The following SLCO5A1 variants were observed in gnomAD, a reference collection of about 807,000 sequenced individuals.
The protein encoded by SLCO5A1 is solute carrier organic anion transporter family member 5A1, also known as organic anion transporter polypeptide-related protein 4.
In SLCO5A1, 39 loss-of-function variants were observed where a neutral mutation model predicts 65.1. The observed-to-expected ratio is 0.60, with a 90% confidence interval of 0.46 to 0.78. The LOEUF is 0.78. SLCO5A1 is among the 30% of genes least tolerant of loss of function. The pLI, the probability that SLCO5A1 is intolerant of heterozygous loss-of-function variation, is 0.00. For missense variants in SLCO5A1, 1,029 were observed against 1,069.4 expected (o/e 0.96, Z 0.53); for synonymous variants, 438 against 415.7 (o/e 1.05, Z -0.65).
chr8:69,731,748 A>T (rs1586736605), intron 5 of SLCO5A1, among the ~76,000 whole-genome samples: 1 of 152,238 alleles, frequency 6.6e-6, no homozygotes, highest in South Asian at 2.1e-4. Context: ...AATAATGATT[A>T]AAATGATATA....
At chr8:69,710,019 C>CCTTTT (rs1815156454) in intron 5 of SLCO5A1, among the ~76,000 whole-genome samples, 1 of 122,906 alleles carries the variant, frequency 8.1e-6, no homozygotes, top group East Asian at 2.4e-4. Flanking sequence ...TCGGCAACAG[C>CCTTTT]TTTTTTTTTT....
chr8:69,776,710 GA>G (rs367767175), intron 2 of SLCO5A1, among the ~76,000 whole-genome samples: 3 of 149,850 alleles, frequency 2.0e-5, no homozygotes, highest in East Asian at 3.9e-4. Flanking sequence ...ACCAACCAAA[GA>G]AAAAAAAATA....
At position 69,755,565 on chromosome 8, in the gene SLCO5A1, G is replaced by A; in HGVS notation, c.1117C>T (p.Pro373Ser). 6.2e-7 allele frequency: 1 copy of A among 1,613,992 alleles called. No individual in the cohort carries two copies. Among genetic ancestry groups the A allele is most frequent in the Non-Finnish European group, 8.5e-7 (1 of 1,179,972 alleles). The part of the protein sequence containing the change: ...FPMFTFPKKL[P>S]PRHKKKKKKK... ...TTTTTCTTTTTCTTGTGTCGAGGTG[G>A]AAGCTTTTTTGGGAAAGTAAACATT... Residue 373 changes from proline (P) to serine (S), a missense_variant, in exon 4 of 10, where the codon CCA becomes TCA. Transcript: ENST00000260126.
At chr8:69,810,956 G>A (rs1820182271) in intron 2 of SLCO5A1, among the ~76,000 whole-genome samples, 1 of 152,124 alleles carries the variant, frequency 6.6e-6, no homozygotes, top group Non-Finnish European at 1.5e-5. Flanking sequence ...AACACAGACT[G>A]TGCCTCTATG....
At chr8:69,799,734 A>G (rs1819656475) in intron 2 of SLCO5A1, among the ~76,000 whole-genome samples, 2 of 152,290 alleles carry the variant, frequency 1.3e-5, no homozygotes, top group South Asian at 2.1e-4. Context: ...CAAAAGGGGG[A>G]AAAGCCCCTT....
chr8:69,821,003 C>T (rs1820613185), intron 2 of SLCO5A1, among the ~76,000 whole-genome samples: 1 of 152,148 alleles, frequency 6.6e-6, no homozygotes, highest in Non-Finnish European at 1.5e-5. Flanking sequence ...TTTTTCTGCC[C>T]TTTTCTGGTG....
At chr8:69,798,773 C>T (rs1291403308) in intron 2 of SLCO5A1, among the ~76,000 whole-genome samples, 2 of 152,156 alleles carry the variant, frequency 1.3e-5, no homozygotes, top group African/African-American at 4.8e-5. Context: ...GGAGGAGGAA[C>T]ACGAGGTGGA....
At chr8:69,758,148 T>G (rs1817605170) in intron 3 of SLCO5A1, among the ~76,000 whole-genome samples, 1 of 152,158 alleles carries the variant, frequency 6.6e-6, no homozygotes, top group Non-Finnish European at 1.5e-5. Context: ...ATAGCTAGTT[T>G]TGTGTGTCTG....
intron 2 of SLCO5A1, among the ~76,000 whole-genome samples, chr8:69,762,163 T>TC: frequency 7.2e-6 from 1 of 139,320 alleles, no homozygotes; most frequent in African/African-American, 2.8e-5. Flanking sequence ...TCTTTCTTTC[T>TC]TTCTTTCTTT....
chr8:69,781,895 G>A (rs938313031), intron 2 of SLCO5A1, among the ~76,000 whole-genome samples: 2 of 152,030 alleles, frequency 1.3e-5, no homozygotes, highest in Non-Finnish European at 2.9e-5. Flanking sequence ...GACCTCAGGC[G>A]ATCTGCCTGC....
intron 2 of SLCO5A1, among the ~76,000 whole-genome samples, chr8:69,763,907 C>T (rs1001646705): frequency 3.9e-5 from 6 of 152,146 alleles, no homozygotes; most frequent in African/African-American, 1.4e-4. Context: ...CTCTGTCGCC[C>T]AGGCTGGAGT....
intron 5 of SLCO5A1, among the ~76,000 whole-genome samples, chr8:69,711,612 C>A (rs1815263862): frequency 6.6e-6 from 1 of 152,200 alleles, no homozygotes; most frequent in Non-Finnish European, 1.5e-5. Context: ...GTTCAAGAGG[C>A]AGATCCAGGT....
intron 2 of SLCO5A1, among the ~76,000 whole-genome samples, chr8:69,768,419 G>C (rs955247034): frequency 4.6e-5 from 7 of 152,156 alleles, no homozygotes; most frequent in African/African-American, 7.2e-5. Context: ...CTTGCCCATA[G>C]TCACAGACTT....
chr8:69,731,188 C>T (rs548468901), intron 5 of SLCO5A1, among the ~76,000 whole-genome samples: 140 of 152,174 alleles, frequency 9.2e-4, no homozygotes, highest in South Asian at 6.0e-3. Flanking sequence ...TTTGTAGAGA[C>T]GGGGTTTCGC....
At chr8:69,785,545 A>G (rs543485673) in intron 2 of SLCO5A1, among the ~76,000 whole-genome samples, 6 of 152,350 alleles carry the variant, frequency 3.9e-5, no homozygotes, top group Admixed American at 3.9e-4. Flanking sequence ...TAAACACAAT[A>G]GTAAATCCTG....
chr8:69,749,351 G>T (rs1182719817), intron 4 of SLCO5A1, among the ~76,000 whole-genome samples: 1 of 152,142 alleles, frequency 6.6e-6, no homozygotes, highest in Non-Finnish European at 1.5e-5. Context: ...GGGCGCAGTG[G>T]CTCACACCTG....
At chr8:69,793,021 A>G (rs1819337364) in intron 2 of SLCO5A1, among the ~76,000 whole-genome samples, 1 of 151,868 alleles carries the variant, frequency 6.6e-6, no homozygotes, top group African/African-American at 2.4e-5. Context: ...CTCTCTGCCC[A>G]GGCTGGATGG....
intron 2 of SLCO5A1, among the ~76,000 whole-genome samples, chr8:69,771,651 G>A (rs1275516398): frequency 6.6e-6 from 1 of 152,118 alleles, no homozygotes; most frequent in Non-Finnish European, 1.5e-5. Flanking sequence ...GAAGCTGGGC[G>A]CAGCATCACA....
intron 3 of SLCO5A1, among the ~76,000 whole-genome samples, chr8:69,761,001 A>G (rs914497555): frequency 1.3e-5 from 2 of 152,222 alleles, no homozygotes; most frequent in Admixed American, 1.3e-4. Flanking sequence ...TGTAAAGCAG[A>G]CACCAAATAC....
Sources: gnomAD v4.1 joint callset for allele counts (sites outside exome capture counted in the v4.1 genomes callset) on GRCh38, gnomAD v4.1.1 for gene constraint, MANE v1.5 for transcripts, NCBI Gene and HGNC (gene_info 2026-07-23, HGNC 2026-07-21) for gene names.